GATA4: variants seen among roughly 807,000 people sequenced by gnomAD.
The protein encoded by GATA4 is GATA binding protein 4, also known as transcription factor GATA-4.
Under a neutral mutation model 37.9 loss-of-function variants are expected in GATA4, and 7 were observed. The ratio of observed to expected loss-of-function variants is 0.18; its 90% confidence interval spans 0.11 to 0.35. The LOEUF (loss-of-function observed/expected upper bound fraction) is 0.35. Among genes scored for constraint, GATA4 ranks in the 10% least tolerant of loss-of-function variants. The pLI, the probability that GATA4 is intolerant of heterozygous loss-of-function variation, is 1.00. For synonymous variants in GATA4, 372 were observed against 292.6 expected (o/e 1.27, Z -2.77); for missense variants, 647 against 653.0 (o/e 0.99, Z 0.10).
chr8:11,702,232 AGCCCCTG>A (rs977598963), upstream of GATA4, among the ~76,000 whole-genome samples: 3 of 152,164 alleles, frequency 2.0e-5, no homozygotes, highest in Non-Finnish European at 4.4e-5. This position sits in a 1 kb window ranked among gnomAD's most constrained non-coding sequence, Gnocchi z 4.4. Context: ...CTAAGCCCCA[AGCCCCTG>A]GCTTGTTGCT....
intron 1 of GATA4, among the ~76,000 whole-genome samples, chr8:11,681,635 C>A (rs1262330920): frequency 6.6e-6 from 1 of 152,152 alleles, no homozygotes; most frequent in Non-Finnish European, 1.5e-5. Flanking sequence ...GTCTTGTGAA[C>A]GTTTCTTGTC....
chr8:11,697,782 C>A (rs1205424096), intron 1 of GATA4: 1 of 985,338 alleles, frequency 1.0e-6, no homozygotes, highest in African/African-American at 1.7e-5. Context: ...TCTCCAACTC[C>A]GGGTCACCTC....
At chr8:11,693,550 C>CAG (rs1166902782) in intron 1 of GATA4, among the ~76,000 whole-genome samples, 10 of 115,670 alleles carry the variant, frequency 8.6e-5, no homozygotes, top group Non-Finnish European at 1.6e-4. Flanking sequence ...CACACACACA[C>CAG]ACACACACAC....
In GATA4 at chr8:11,749,411, T is replaced by A. The variant is rs1802184808; in HGVS notation, c.786+326T>A. Among the ~76,000 whole-genome samples, 1 of 152,140 alleles carries A rather than the reference T, an allele frequency of 6.6e-6. No individual in the cohort carries two copies. The highest frequency in any genetic ancestry group is 1.5e-5 in the Non-Finnish European group (1 of 68,006). ...GGTTTCCTGGTTCCCAGTCCAGTGT[T>A]GACTGGAGTGTCTCCTCCACCCACA... On this transcript the variant is annotated intron_variant, in intron 3 of 6. Coordinates refer to ENST00000532059, the MANE Select transcript of GATA4 (RefSeq NM_001308093.3). This position sits in a 1 kb window ranked among gnomAD's most constrained non-coding sequence, Gnocchi z 4.6.
chr8:11,730,079 C>A (rs1174892845), intron 2 of GATA4, among the ~76,000 whole-genome samples: 1 of 152,122 alleles, frequency 6.6e-6, no homozygotes, highest in Non-Finnish European at 1.5e-5. Context: ...CCATGCCCAG[C>A]TAACGTCTAT....
At chr8:11,682,779 C>T (rs377416476) in intron 1 of GATA4, among the ~76,000 whole-genome samples, 1 of 152,194 alleles carries the variant, frequency 6.6e-6, no homozygotes, top group African/African-American at 2.4e-5. Context: ...GTAGTAGTCC[C>T]CGTTTGTGCA....
chr8:11,721,397 G>A (rs1800670936), intron 2 of GATA4, among the ~76,000 whole-genome samples: 1 of 150,280 alleles, frequency 6.7e-6, no homozygotes, highest in African/African-American at 2.5e-5. Context: ...TGCTGGAAAG[G>A]TGAGCAGGAT....
chr8:11,727,077 C>G (rs769378949), intron 2 of GATA4, among the ~76,000 whole-genome samples: 1 of 152,202 alleles, frequency 6.6e-6, no homozygotes, highest in Non-Finnish European at 1.5e-5. Flanking sequence ...TCAGCCTCAT[C>G]ATAACAAACG....
upstream of GATA4, chr8:11,692,620 G>C (rs1410901735): frequency 2.0e-6 from 2 of 985,348 alleles, no homozygotes; most frequent in African/African-American, 1.7e-5. Flanking sequence ...CCGGCTTCTG[G>C]GGACCCGCGG....
chr8:11,746,874 T>A (rs1048525954), intron 2 of GATA4, among the ~76,000 whole-genome samples: 1 of 152,238 alleles, frequency 6.6e-6, no homozygotes, highest in Non-Finnish European at 1.5e-5. Flanking sequence ...AAATAGCCCC[T>A]TACACCTGCA....
chr8:11,741,673 AG>A (rs1801747410), intron 2 of GATA4, among the ~76,000 whole-genome samples: 2 of 152,146 alleles, frequency 1.3e-5, no homozygotes, highest in Admixed American at 6.5e-5. Context: ...GCCCACATGG[AG>A]GGGTTCTCGA....
rs555747769 is a variant in GATA4 at position 11,693,361 on chromosome 8, G to A, written c.-729+701G>A. Among the ~76,000 whole-genome samples, 65 of 152,184 alleles carry A rather than the reference G, an allele frequency of 4.3e-4. 2 individuals carry two copies. The South Asian group carries it at 0.012, about 29-fold the overall frequency. On this transcript the variant is annotated intron_variant, in intron 1 of 2. Coordinates refer to the GATA4 transcript ENST00000526974. Reference sequence around the variant, plus strand: ...CGCCTGTGGTCCTGCTGGGGAGGCTGAGGTGGGAAGATGTGAGCCTGGGGA... The same window carrying A: ...CGCCTGTGGTCCTGCTGGGGAGGCTAAGGTGGGAAGATGTGAGCCTGGGGA...
At chr8:11,690,267 C>A (rs982626696), upstream of GATA4, among the ~76,000 whole-genome samples, 4 of 152,210 alleles carry the variant, frequency 2.6e-5, no homozygotes, top group African/African-American at 4.8e-5. Flanking sequence ...GATACCACAT[C>A]TTCAGTCATC....
intron 1 of GATA4, among the ~76,000 whole-genome samples, chr8:11,695,664 G>C (rs1799488109): frequency 6.6e-6 from 1 of 152,200 alleles, no homozygotes; most frequent in African/African-American, 2.4e-5. Flanking sequence ...CCCTCTCCCA[G>C]GCAGCCATCA....
chr8:11,737,851 A>C (rs762911263), intron 2 of GATA4, among the ~76,000 whole-genome samples: 3 of 152,230 alleles, frequency 2.0e-5, no homozygotes, highest in Non-Finnish European at 4.4e-5. Flanking sequence ...TGATGATGCT[A>C]GCCCCTGACA....
upstream of GATA4, among the ~76,000 whole-genome samples, chr8:11,701,655 A>G (rs1322787825): frequency 6.6e-6 from 1 of 152,302 alleles, no homozygotes; most frequent in East Asian, 1.9e-4. Flanking sequence ...GCCGTTTGCC[A>G]ACCACCCCTG....
chr8:11,697,505 C>T, intron 1 of GATA4: 1 of 974,802 alleles, frequency 1.0e-6, no homozygotes, highest in Non-Finnish European at 1.2e-6. Context: ...CGGTGGGCAC[C>T]TGCTGCAGTT....
chr8:11,698,752 C>T (rs1799581634), intron 1 of GATA4, among the ~76,000 whole-genome samples: 1 of 152,172 alleles, frequency 6.6e-6, no homozygotes, highest in Non-Finnish European at 1.5e-5. Flanking sequence ...TTCCCAAATC[C>T]TGGCTGTGCA....
intron 2 of GATA4, among the ~76,000 whole-genome samples, chr8:11,732,099 T>C (rs1443118640): frequency 6.6e-6 from 1 of 152,272 alleles, no homozygotes; most frequent in Non-Finnish European, 1.5e-5. Flanking sequence ...ATATTTATAA[T>C]CTGCATTAAA....
Sources: gnomAD v4.1 joint callset for allele counts (sites outside exome capture counted in the v4.1 genomes callset) on GRCh38, gnomAD v4.1.1 for gene constraint, Gnocchi (gnomAD v3.1) non-coding constraint, MANE v1.5 for transcripts, NCBI Gene and HGNC (gene_info 2026-07-23, HGNC 2026-07-21) for gene names.